PHACTR1: variants seen among roughly 807,000 people sequenced by gnomAD.
The protein encoded by PHACTR1 is RPEL repeat containing 1.
Under a neutral mutation model 69.2 loss-of-function variants are expected in PHACTR1, and 16 were observed. The observed-to-expected ratio is 0.23, with a 90% CI of 0.16 to 0.35. The LOEUF (loss-of-function observed/expected upper bound fraction) is 0.35, where lower values mean the gene tolerates loss of function less well. PHACTR1 is among the 10% of genes least tolerant of loss of function. The pLI, the probability that PHACTR1 is intolerant of heterozygous loss-of-function variation, is 1.00. For synonymous variants in PHACTR1, 312 were observed against 284.5 expected, an observed-to-expected ratio of 1.10 and a Z score of -0.97; for missense variants, 510 against 734.7, an observed-to-expected ratio of 0.69 and a Z score of 3.54.
At chr6:12,813,026 C>A (rs1038989769) in intron 4 of PHACTR1, among the ~76,000 whole-genome samples, 1 of 152,134 alleles carries the variant, frequency 6.6e-6, no homozygotes, top group Non-Finnish European at 1.5e-5. Context: ...CAATTTATTT[C>A]TCTAATTGGT....
At chr6:13,281,115 G>C in intron 12 of PHACTR1, 2 of 1,289,466 alleles carry the variant, frequency 1.6e-6, no homozygotes. Context: ...AACAGCCCCT[G>C]ACCTGCAGCA....
At chr6:12,933,760 C>T (rs1279425940) in intron 4 of PHACTR1, 2 of 1,612,734 alleles carry the variant, frequency 1.2e-6, no homozygotes, top group Non-Finnish European at 1.7e-6. Context: ...CCCCTACATA[C>T]ACTACATCAG....
intron 4 of PHACTR1, among the ~76,000 whole-genome samples, chr6:12,903,397 G>A (rs1369990509): frequency 2.6e-5 from 4 of 152,182 alleles, no homozygotes; most frequent in Non-Finnish European, 5.9e-5. Context: ...TATCATGCAC[G>A]TGGTCAGCAT....
chr6:13,112,021 G>A (rs748256266), intron 5 of PHACTR1, among the ~76,000 whole-genome samples: 15 of 151,922 alleles, frequency 9.9e-5, no homozygotes, highest in South Asian at 6.2e-4. Context: ...GATCCTCTCC[G>A]CCTTCCCATC....
At chr6:12,945,574 C>G (rs545885646) in intron 4 of PHACTR1, among the ~76,000 whole-genome samples, 1 of 152,130 alleles carries the variant, frequency 6.6e-6, no homozygotes, top group African/African-American at 2.4e-5. Context: ...CTAATTCTTA[C>G]GGGTTTCTAG....
intron 4 of PHACTR1, among the ~76,000 whole-genome samples, chr6:12,917,292 A>G (rs1183690528): frequency 6.6e-6 from 1 of 152,118 alleles, no homozygotes; most frequent in African/African-American, 2.4e-5. Flanking sequence ...CATAGCCTGG[A>G]TTTTTCTCTA....
At chr6:13,184,834 GTCC>G in intron 7 of PHACTR1, 1 of 1,366,572 alleles carries the variant, frequency 7.3e-7, no homozygotes, top group Non-Finnish European at 9.8e-7. Context: ...TGAGTCTGGA[GTCC>G]TCCTGTCCCA....
intron 3 of PHACTR1, among the ~76,000 whole-genome samples, chr6:12,742,152 G>A (rs909832988): frequency 4.6e-5 from 7 of 152,262 alleles, no homozygotes; most frequent in African/African-American, 1.7e-4. Context: ...TAAAAGAATG[G>A]CTACTGTACT....
chr6:13,128,353 C>G (rs1819878704), intron 5 of PHACTR1, among the ~76,000 whole-genome samples: 1 of 149,274 alleles, frequency 6.7e-6, no homozygotes, highest in Non-Finnish European at 1.5e-5. Flanking sequence ...TTAAGCTACT[C>G]AAGGAGATAA....
chr6:13,063,816 G>A (rs907719330), intron 5 of PHACTR1, among the ~76,000 whole-genome samples: 6 of 151,860 alleles, frequency 4.0e-5, no homozygotes, highest in Admixed American at 3.9e-4. Context: ...AAGGATTGTT[G>A]GGGGAAGGGA....
intron 4 of PHACTR1, among the ~76,000 whole-genome samples, chr6:12,797,313 C>T (rs935788339): frequency 2.6e-5 from 4 of 152,164 alleles, no homozygotes; most frequent in South Asian, 2.1e-4. Flanking sequence ...CATACATTCA[C>T]GGACTGCATA....
At chr6:13,183,438 C>T (rs1203635629) in intron 7 of PHACTR1, among the ~76,000 whole-genome samples, 2 of 127,168 alleles carry the variant, frequency 1.6e-5, no homozygotes, top group Admixed American at 8.8e-5. Context: ...TAGGCAGTCA[C>T]GTGGGAGGGT....
At chr6:13,229,923 G>T in intron 9 of PHACTR1, 114 bp from the exon 10 acceptor site, 3 of 1,214,938 alleles carry the variant, frequency 2.5e-6, no homozygotes, top group Non-Finnish European at 3.4e-6. Flanking sequence ...CCACTTTCAG[G>T]TGTTAAAACC....
chr6:13,054,270 T>G (rs1806438971), intron 5 of PHACTR1, among the ~76,000 whole-genome samples: 1 of 152,196 alleles, frequency 6.6e-6, no homozygotes, highest in Non-Finnish European at 1.5e-5. Context: ...TATGGCATCT[T>G]AGGTGGATAT....
rs1313479558 is a variant in PHACTR1 at position 13,053,460 on chromosome 6, C to T, written c.346C>T (p.Leu116=). 1.9e-5 allele frequency: 31 copies of T among 1,613,724 alleles called. No homozygotes were observed. Among genetic ancestry groups the T allele is most frequent in the Non-Finnish European group, 2.5e-5 (29 of 1,179,872 alleles). The change falls in exon 5 of 15, where the codon CTG becomes TTG. Residue 116 remains leucine (L), a synonymous_variant. Transcript: ENST00000332995. ...CCGCAGGAGAAGTAAGTTTGCCAAC[C>T]TGGGAAGGATTTTCAAGCCTTGGAA... ...PIRRRSKFAN[L]GRIFKPWKWR...
chr6:12,996,632 C>T (rs1677873203), intron 4 of PHACTR1, among the ~76,000 whole-genome samples: 1 of 151,974 alleles, frequency 6.6e-6, no homozygotes, highest in African/African-American at 2.4e-5. Context: ...TTAAGCTATT[C>T]CAGAGACTAA....
chr6:12,925,272 G>C (rs568522514), intron 4 of PHACTR1, among the ~76,000 whole-genome samples: 152 of 152,252 alleles, frequency 1.0e-3, no homozygotes, highest in African/African-American at 3.6e-3. Flanking sequence ...TGTGATATTA[G>C]CTATAGGTTC....
At chr6:12,873,720 A>G (rs1490598242) in intron 4 of PHACTR1, among the ~76,000 whole-genome samples, 1 of 152,218 alleles carries the variant, frequency 6.6e-6, no homozygotes, top group Non-Finnish European at 1.5e-5. Flanking sequence ...GGAGATATTT[A>G]GGGACAGGAA....
intron 4 of PHACTR1, chr6:12,933,695 C>A: frequency 7.4e-6 from 12 of 1,612,810 alleles, no homozygotes; most frequent in Non-Finnish European, 1.0e-5. Flanking sequence ...AACTCTTGGG[C>A]GTCCTCTTGG....
Sources: gnomAD v4.1 joint callset for allele counts (sites outside exome capture counted in the v4.1 genomes callset) on GRCh38, gnomAD v4.1.1 for gene constraint, MANE v1.5 for transcripts, NCBI Gene and HGNC (gene_info 2026-07-23, HGNC 2026-07-21) for gene names.